C3orf20: variants seen among roughly 807,000 people sequenced by gnomAD.
C3orf20 encodes the protein uncharacterized protein C3orf20.
Under a neutral mutation model 88.3 loss-of-function variants are expected in C3orf20, and 76 were observed. The ratio of observed to expected loss-of-function variants is 0.86; its 90% CI spans 0.72 to 1.04. The LOEUF (loss-of-function observed/expected upper bound fraction) is 1.04. Among genes scored for constraint, C3orf20 ranks in the 50% least tolerant of loss-of-function variants. The pLI, the probability that C3orf20 is intolerant of heterozygous loss-of-function variation, is 0.00. For synonymous variants in C3orf20, 436 were observed against 437.4 expected (o/e 1.00, Z 0.04); for missense variants, 1,056 against 1,123.3 (o/e 0.94, Z 0.86).
chr3:14,680,342 A>G (rs764268622), intron 1 of C3orf20, among the ~76,000 whole-genome samples: 5 of 152,242 alleles, frequency 3.3e-5, no homozygotes, highest in Admixed American at 1.3e-4. Flanking sequence ...AAGTACTGAT[A>G]CATGCTATAT....
intron 9 of C3orf20, 40 bp downstream of exon 9, chr3:14,715,449 A>G (rs947075026): frequency 6.3e-7 from 1 of 1,590,020 alleles, no homozygotes; most frequent in Non-Finnish European, 8.6e-7. Flanking sequence ...AGTGAGCACC[A>G]CTGTCACAGG....
Position 14,772,107 on chromosome 3 carries a change from G to C in C3orf20, c.2536G>C (p.Val846Leu). 1 of 1,614,238 alleles carries C rather than the reference G, an allele frequency of 6.2e-7. No homozygotes were observed. The highest frequency in any genetic ancestry group is 8.5e-7 in the Non-Finnish European group (1 of 1,180,046). The change falls in exon 16 of 17, where the codon GTC (valine) becomes CTC (leucine). Residue 846 changes from valine to leucine, a missense_variant. Coordinates refer to ENST00000253697, the MANE Select transcript of C3orf20 (RefSeq NM_032137.5). The surrounding 1 kb of genome is among the most constrained non-coding windows in gnomAD (Gnocchi z 4.2). ...CCTGAGCCTGGAGGATTCTGAATCA[G>C]TCAAGAAAGCCGAGTCAGAAGATAT... ...SVLSLEDSES[V>L]KKAESEDIQG...
chr3:14,713,596 A>G (rs2033828622), intron 7 of C3orf20, among the ~76,000 whole-genome samples: 1 of 152,206 alleles, frequency 6.6e-6, no homozygotes, highest in Non-Finnish European at 1.5e-5. Flanking sequence ...GGCTCTAGCC[A>G]CTTCCTTGTG....
chr3:14,760,210 A>G (rs965924343), intron 14 of C3orf20, among the ~76,000 whole-genome samples: 1 of 152,176 alleles, frequency 6.6e-6, no homozygotes, highest in South Asian at 2.1e-4. Context: ...CCAGGACCCT[A>G]TGTGTCCCCC....
chr3:14,727,047 G>A (rs17255247), intron 11 of C3orf20, 23 bp downstream of exon 11: 646,969 of 1,613,248 alleles, frequency 0.4, 131,793 homozygotes, highest in Middle Eastern at 0.46. Flanking sequence ...AAAGGTGGGC[G>A]AAGGCCTATC....
intron 7 of C3orf20, among the ~76,000 whole-genome samples, chr3:14,709,757 T>A (rs908707336): frequency 6.6e-6 from 1 of 152,236 alleles, no homozygotes; most frequent in Admixed American, 6.5e-5. Flanking sequence ...GATAGGCTGC[T>A]GCTGAATTTG....
Position 14,714,087 on chromosome 3 carries a change from T to A in C3orf20, c.1241T>A (p.Ile414Lys). The change falls in exon 8 of 17, where the codon ATA (isoleucine) becomes AAA (lysine). Residue 414 changes from isoleucine to lysine, a missense_variant. Coordinates refer to ENST00000253697, the MANE Select transcript of C3orf20 (RefSeq NM_032137.5). ...ACCATCACCTGCCTCTTTAATGACATACCTGGATTCTCCTTGCTGGCCCTA... is the reference window on the plus strand; with the variant it reads ...ACCATCACCTGCCTCTTTAATGACAAACCTGGATTCTCCTTGCTGGCCCTA... ...GRTITCLFND[I>K]PGFSLLALFN... 1 of 1,614,102 alleles carries A rather than the reference T, an allele frequency of 6.2e-7. No individual in the cohort carries two copies. Among genetic ancestry groups the A allele is most frequent in the Non-Finnish European group, 8.5e-7 (1 of 1,180,006 alleles).
chr3:14,678,193 A>G (rs2031887322), intron 1 of C3orf20, among the ~76,000 whole-genome samples: 2 of 152,096 alleles, frequency 1.3e-5, no homozygotes, highest in African/African-American at 4.8e-5. Context: ...CTACCTAACA[A>G]TTACTGAGCA....
At chr3:14,722,817 A>G (rs2034213806) in intron 10 of C3orf20, among the ~76,000 whole-genome samples, 2 of 152,188 alleles carry the variant, frequency 1.3e-5, no homozygotes, top group Non-Finnish European at 2.9e-5. Flanking sequence ...CATGGATCCT[A>G]CTGTGTATCT....
At chr3:14,727,522 A>T (rs2034396422) in intron 11 of C3orf20, among the ~76,000 whole-genome samples, 1 of 151,508 alleles carries the variant, frequency 6.6e-6, no homozygotes, top group South Asian at 2.1e-4. Flanking sequence ...TGGCCTCAGG[A>T]CCCTTCCACC....
chr3:14,730,439 C>T (rs902541449), intron 12 of C3orf20, among the ~76,000 whole-genome samples: 14 of 151,844 alleles, frequency 9.2e-5, no homozygotes, highest in Non-Finnish European at 1.8e-4. Flanking sequence ...CCCAGCTACT[C>T]GGGAGGCTGA....
intron 15 of C3orf20, among the ~76,000 whole-genome samples, chr3:14,764,537 A>G (rs76334514): frequency 1.4e-5 from 2 of 143,654 alleles, no homozygotes; most frequent in African/African-American, 2.8e-5. Context: ...TGTTGTTGTT[A>G]TTCTCTGTCA....
chr3:14,682,608 G>C lies in C3orf20; in HGVS notation c.-106G>C. The C allele has an allele frequency of 2.1e-6, 3 of 1,434,890 alleles. No homozygotes were observed. The African/African-American group carries it at 4.3e-5, about 20-fold the overall frequency. The allele number at this position is 1,434,890 out of a possible 1,614,324, so 88.9% of individuals were successfully genotyped here. ...ACTGGCTCAATGACCTGTAAGGGCC[G>C]TTTCAGCACATCCATTCTGTCCATC... On this transcript the variant is annotated 5_prime_UTR_variant, in exon 3 of 17. Transcript: ENST00000253697.
In C3orf20 at chr3:14,687,798, T is replaced by C. The variant is rs11717819; in HGVS notation, c.626-2199T>C. On this transcript the variant is annotated intron_variant, in intron 4 of 16. Transcript: ENST00000253697. The stretch of plus-strand genomic sequence containing the variant: ...AGGCACAGTGGCTTCTGGCATCCTC[T>C]GTGGGCTGCGATTCATCTAATGGAG... Among the ~76,000 whole-genome samples the C allele has an allele frequency of 6.0e-3, 916 of 152,338 alleles. 3 individuals carry two copies. The highest frequency in any genetic ancestry group is 0.01 in the Non-Finnish European group (707 of 68,032).
intron 13 of C3orf20, among the ~76,000 whole-genome samples, chr3:14,758,079 G>T (rs558599417): frequency 1.3e-4 from 20 of 152,292 alleles, no homozygotes; most frequent in Admixed American, 4.6e-4. Flanking sequence ...TGTGTGCTGG[G>T]CATGGACCGG....
intron 1 of C3orf20, among the ~76,000 whole-genome samples, chr3:14,680,236 AAT>A (rs1356149383): frequency 1.3e-5 from 2 of 148,950 alleles, no homozygotes; most frequent in African/African-American, 5.2e-5. Flanking sequence ...ATAGCCAAAA[AAT>A]AAAAATAACC....
intron 7 of C3orf20, among the ~76,000 whole-genome samples, chr3:14,705,184 G>A (rs931129646): frequency 6.6e-6 from 1 of 152,216 alleles, no homozygotes; most frequent in Non-Finnish European, 1.5e-5. Flanking sequence ...CCTTGGATGT[G>A]GGAGCAACAA....
At position 14,682,997 on chromosome 3, in the gene C3orf20, TACCTCCACC is replaced by T; in HGVS notation, c.288_296del (p.Pro98_Pro100del). 6.2e-7 allele frequency: 1 copy of T among 1,613,620 alleles called. No homozygotes were observed. Among genetic ancestry groups the T allele is most frequent in the Non-Finnish European group, 8.5e-7 (1 of 1,179,754 alleles). On this transcript the variant is annotated inframe_deletion, in exon 3 of 17. Transcript: ENST00000253697. ...CAGGTCCCCACACTGAAGAAGCCAC[TACCTCCACC>T]ACCACCAGCACCACCACGTCCAGTG...
At chr3:14,712,902 A>G (rs992108252) in intron 7 of C3orf20, among the ~76,000 whole-genome samples, 1 of 152,166 alleles carries the variant, frequency 6.6e-6, no homozygotes, top group Non-Finnish European at 1.5e-5. Flanking sequence ...ATTTTTGAAG[A>G]ATAATTTTGC....
Sources: allele counts gnomAD v4.1 joint callset (sites outside exome capture counted in the v4.1 genomes callset), GRCh38; gene constraint gnomAD v4.1.1; non-coding constraint Gnocchi (gnomAD v3.1); transcripts MANE v1.5; gene names NCBI Gene and HGNC (gene_info 2026-07-23, HGNC 2026-07-21).